The following MAGI2 variants were observed in gnomAD, a reference collection of about 807,000 sequenced individuals.
The protein encoded by MAGI2 is membrane-associated guanylate kinase, WW and PDZ domain-containing protein 2.
In MAGI2, 35 loss-of-function variants were observed where a neutral mutation model predicts 133.3. The ratio of observed to expected loss-of-function variants is 0.26; its 90% CI spans 0.20 to 0.35. The LOEUF (loss-of-function observed/expected upper bound fraction) is 0.35, where lower values mean the gene tolerates loss of function less well. MAGI2 is among the 10% of genes least tolerant of loss of function. The probability of loss-of-function intolerance (pLI) is 1.00; values close to 1 mark genes in which losing one functional copy is unlikely to be tolerated. For synonymous variants in MAGI2, 729 were observed against 710.6 expected (o/e 1.03, Z -0.41); for missense variants, 1,636 against 1,863.4 (o/e 0.88, Z 2.25).
intron 6 of MAGI2, among the ~76,000 whole-genome samples, chr7:78,402,115 C>T (rs993207392): frequency 2.0e-5 from 3 of 152,176 alleles, no homozygotes; most frequent in Non-Finnish European, 4.4e-5. Context: ...TGTTTACATA[C>T]CTGTCTCCCA....
chr7:78,443,857 A>G (rs1190417637), intron 6 of MAGI2, among the ~76,000 whole-genome samples: 2 of 152,164 alleles, frequency 1.3e-5, no homozygotes, highest in Non-Finnish European at 2.9e-5. Flanking sequence ...GTTTGACGAG[A>G]GGAAGAACAT....
intron 6 of MAGI2, among the ~76,000 whole-genome samples, chr7:78,450,134 T>C (rs886435425): frequency 4.6e-5 from 7 of 152,158 alleles, no homozygotes; most frequent in Non-Finnish European, 5.9e-5. Context: ...ACTTCCTAGT[T>C]ATCTTTACAA....
At chr7:79,258,148 G>A (rs966423870) in intron 1 of MAGI2, among the ~76,000 whole-genome samples, 5 of 152,176 alleles carry the variant, frequency 3.3e-5, no homozygotes, top group Non-Finnish European at 7.3e-5. Flanking sequence ...GGGGTCAAAA[G>A]AAGAGACACA....
chr7:78,196,828 G>A (rs950270199), intron 11 of MAGI2, among the ~76,000 whole-genome samples: 1 of 152,174 alleles, frequency 6.6e-6, no homozygotes, highest in African/African-American at 2.4e-5. Context: ...TTTGAACAAA[G>A]TTTCTATAAC....
intron 16 of MAGI2, among the ~76,000 whole-genome samples, chr7:78,154,815 C>A (rs1197752648): frequency 2.0e-5 from 3 of 152,158 alleles, no homozygotes; most frequent in Non-Finnish European, 4.4e-5. Flanking sequence ...GGTGCTACAG[C>A]TGGACAATAA....
At chr7:78,201,086 C>T (rs1203369665) in intron 11 of MAGI2, 76 bp downstream of exon 11, 5 of 942,248 alleles carry the variant, frequency 5.3e-6, no homozygotes, top group African/African-American at 3.5e-5. Flanking sequence ...TTTGAGGTCA[C>T]CCAATTCAAC....
At chr7:78,745,992 T>A (rs957147183) in intron 2 of MAGI2, among the ~76,000 whole-genome samples, 1 of 152,204 alleles carries the variant, frequency 6.6e-6, no homozygotes, top group Non-Finnish European at 1.5e-5. Context: ...TCATTCATTA[T>A]CTTGGCAATA....
chr7:79,094,142 C>T (rs1817321187), intron 1 of MAGI2, among the ~76,000 whole-genome samples: 1 of 152,148 alleles, frequency 6.6e-6, no homozygotes, highest in Non-Finnish European at 1.5e-5. Context: ...GAAGTAAATC[C>T]TTTCAAACCC....
intron 1 of MAGI2, among the ~76,000 whole-genome samples, chr7:79,167,199 T>A (rs1825020721): frequency 6.6e-6 from 1 of 151,936 alleles, no homozygotes; most frequent in African/African-American, 2.4e-5. Flanking sequence ...ACTAGTTTCA[T>A]GAGATTCAGA....
intron 15 of MAGI2, among the ~76,000 whole-genome samples, chr7:78,163,906 CA>C (rs35152410): frequency 8.9e-4 from 112 of 126,428 alleles, no homozygotes; most frequent in Middle Eastern, 4.5e-3. Flanking sequence ...GACTCCGTCT[CA>C]AAAAAAAAAA....
chr7:78,332,603 CAGG>C (rs1789333661), intron 9 of MAGI2, among the ~76,000 whole-genome samples: 1 of 149,896 alleles, frequency 6.7e-6, no homozygotes, highest in African/African-American at 2.5e-5. Flanking sequence ...GAGGCTGAGG[CAGG>C]AGAATGGTGT....
At chr7:79,328,745 A>G (rs1231119530) in intron 1 of MAGI2, among the ~76,000 whole-genome samples, 1 of 151,776 alleles carries the variant, frequency 6.6e-6, no homozygotes, top group Non-Finnish European at 1.5e-5. Flanking sequence ...CAGAGTTAAC[A>G]TTTTCCTTTT....
At chr7:78,392,370 G>A (rs1454166770) in intron 6 of MAGI2, among the ~76,000 whole-genome samples, 1 of 152,176 alleles carries the variant, frequency 6.6e-6, no homozygotes, top group South Asian at 2.1e-4. Context: ...ATGGGGAAAA[G>A]TGTGTGAGAT....
At chr7:78,499,137 C>T (rs1039908834) in intron 5 of MAGI2, among the ~76,000 whole-genome samples, 13 of 152,040 alleles carry the variant, frequency 8.6e-5, no homozygotes, top group African/African-American at 2.2e-4. Context: ...TCCAGTGAAA[C>T]GAAAACTAAG....
chr7:78,417,477 C>A (rs1224887754), intron 6 of MAGI2, among the ~76,000 whole-genome samples: 1 of 152,054 alleles, frequency 6.6e-6, no homozygotes, highest in Admixed American at 6.6e-5. Flanking sequence ...GTTAGTGCCA[C>A]ATCTACAATC....
intron 2 of MAGI2, among the ~76,000 whole-genome samples, chr7:78,660,325 C>T (rs1051525867): frequency 4.0e-5 from 6 of 151,842 alleles, no homozygotes; most frequent in Admixed American, 3.9e-4. Context: ...GCAAGTATAC[C>T]TCTTTAATAT....
intron 7 of MAGI2, among the ~76,000 whole-genome samples, chr7:78,363,488 A>G (rs1212185945): frequency 6.8e-6 from 1 of 146,354 alleles, no homozygotes; most frequent in East Asian, 2.0e-4. Context: ...CCAAGACTCC[A>G]TCTCGAAAAT....
intron 1 of MAGI2, among the ~76,000 whole-genome samples, chr7:79,174,442 G>A (rs10953786): frequency 0.76 from 114,926 of 151,916 alleles, 44,985 homozygotes; most frequent in Non-Finnish European, 0.87. Flanking sequence ...TGTGTGGTTC[G>A]GAAGGTAATC....
At chr7:78,665,575 T>C (rs1182273943) in intron 2 of MAGI2, among the ~76,000 whole-genome samples, 1 of 152,166 alleles carries the variant, frequency 6.6e-6, no homozygotes, top group East Asian at 1.9e-4. Context: ...GAAGGTTGAT[T>C]TGGATTATTA....
Sources: gnomAD v4.1 joint callset for allele counts (sites outside exome capture counted in the v4.1 genomes callset) on GRCh38, gnomAD v4.1.1 for gene constraint, MANE v1.5 for transcripts, NCBI Gene and HGNC (gene_info 2026-07-23, HGNC 2026-07-21) for gene names.